The following REDIC1 variants were observed in gnomAD, a reference collection of about 807,000 sequenced individuals.
REDIC1 encodes the protein regulator of DNA class I crossover intermediates 1, also known as HEI10 Interacting Protein 1.
chr12:39,851,643 TACAC>T, the REDIC1 span, among the ~76,000 whole-genome samples: 9 of 152,122 alleles, frequency 5.9e-5, no homozygotes, highest in Non-Finnish European at 1.3e-4. Flanking sequence ...GCAATTCAGA[TACAC>T]ACATAGGAAA....
chr12:39,820,444 A>G, the REDIC1 span, among the ~76,000 whole-genome samples: 1 of 152,182 alleles, frequency 6.6e-6, no homozygotes, highest in Non-Finnish European at 1.5e-5. Context: ...ATGGATTGCT[A>G]TTGTACAAAC....
At chr12:39,764,830 C>CTTT in the REDIC1 span, 1 of 1,612,268 alleles carries the variant, frequency 6.2e-7, no homozygotes, top group Non-Finnish European at 8.5e-7. Flanking sequence ...AATATATCTT[C>CTTT]TGTTTTGAAC....
the REDIC1 span, among the ~76,000 whole-genome samples, chr12:39,737,975 C>T: frequency 6.6e-6 from 1 of 152,114 alleles, no homozygotes; most frequent in Non-Finnish European, 1.5e-5. Flanking sequence ...ACTAAGAAGA[C>T]CTATTTCAGT....
the REDIC1 span, among the ~76,000 whole-genome samples, chr12:39,699,135 C>A: frequency 6.6e-6 from 1 of 152,078 alleles, no homozygotes. Context: ...AAATCAGAGG[C>A]CCAGCGTGAG....
the REDIC1 span, among the ~76,000 whole-genome samples, chr12:39,760,901 A>G: frequency 1.6e-5 from 2 of 126,264 alleles, no homozygotes; most frequent in Non-Finnish European, 3.5e-5. Context: ...GGACTTTTAA[A>G]ATAATTGAAT....
chr12:39,644,705 A>T, the REDIC1 span, among the ~76,000 whole-genome samples: 1 of 151,838 alleles, frequency 6.6e-6, no homozygotes, highest in African/African-American at 2.4e-5. Flanking sequence ...TGAGAATAAA[A>T]CTTATTGTTG....
the REDIC1 span, among the ~76,000 whole-genome samples, chr12:39,778,782 A>C: frequency 5.3e-5 from 8 of 152,300 alleles, no homozygotes; most frequent in East Asian, 5.8e-4. Flanking sequence ...GTGGCTATCA[A>C]CTTAAATACC....
At chr12:39,635,361 C>CA in the REDIC1 span, among the ~76,000 whole-genome samples, 10 of 152,220 alleles carry the variant, frequency 6.6e-5, no homozygotes, top group South Asian at 1.9e-3. Flanking sequence ...TATTGTGGCA[C>CA]TATTCACAAT....
the REDIC1 span, among the ~76,000 whole-genome samples, chr12:39,697,535 A>G: frequency 1.3e-5 from 2 of 152,360 alleles, no homozygotes; most frequent in Admixed American, 1.3e-4. Context: ...CTAGTCAAAA[A>G]TAATAACTAT....
At chr12:39,667,106 T>C in the REDIC1 span, among the ~76,000 whole-genome samples, 1 of 152,210 alleles carries the variant, frequency 6.6e-6, no homozygotes, top group Non-Finnish European at 1.5e-5. Context: ...TGCCTTCTGC[T>C]AGCTTTTGAA....
chr12:39,759,970 T>C, the REDIC1 span: 1 of 1,366,524 alleles, frequency 7.3e-7, no homozygotes, highest in African/African-American at 1.4e-5. Context: ...AGTCACCAAT[T>C]GCTGTTCTTC....
At chr12:39,861,629 G>A in the REDIC1 span, among the ~76,000 whole-genome samples, 1 of 152,188 alleles carries the variant, frequency 6.6e-6, no homozygotes, top group Non-Finnish European at 1.5e-5. Context: ...TTAGTAATTT[G>A]AGAGTGTGGA....
At chr12:39,805,829 T>G in the REDIC1 span, among the ~76,000 whole-genome samples, 1 of 152,184 alleles carries the variant, frequency 6.6e-6, no homozygotes, top group South Asian at 2.1e-4. Context: ...GTTGCCCGTT[T>G]TTTTCTCTAC....
At chr12:39,649,579 C>CTT in the REDIC1 span, among the ~76,000 whole-genome samples, 4 of 132,116 alleles carry the variant, frequency 3.0e-5, no homozygotes, top group Non-Finnish European at 6.6e-5. Context: ...TTTGACTCTC[C>CTT]TTTTTTTTTT....
At chr12:39,800,203 G>A in the REDIC1 span, among the ~76,000 whole-genome samples, 13 of 152,150 alleles carry the variant, frequency 8.5e-5, no homozygotes, top group Non-Finnish European at 1.5e-4. Flanking sequence ...TGGTGCTGAC[G>A]TGCTTTGAAT....
chr12:39,904,977 A>G, the REDIC1 span, among the ~76,000 whole-genome samples: 1 of 152,072 alleles, frequency 6.6e-6, no homozygotes, highest in Admixed American at 6.6e-5. Context: ...AACTATCCCA[A>G]TCTCAACTGT....
the REDIC1 span, among the ~76,000 whole-genome samples, chr12:39,696,898 TAAA>T: frequency 3.3e-5 from 5 of 151,182 alleles, no homozygotes; most frequent in Non-Finnish European, 3.0e-5. Context: ...AAAGAAAAAA[TAAA>T]AAAGAATGAA....
the REDIC1 span, among the ~76,000 whole-genome samples, chr12:39,746,696 C>T: frequency 6.6e-5 from 10 of 152,186 alleles, no homozygotes; most frequent in Non-Finnish European, 1.2e-4. Flanking sequence ...AGACTGACAC[C>T]TCACACGGCT....
At chr12:39,828,069 C>G in the REDIC1 span, among the ~76,000 whole-genome samples, 1 of 152,038 alleles carries the variant, frequency 6.6e-6, no homozygotes, top group Non-Finnish European at 1.5e-5. Context: ...AATCAACCAA[C>G]AAAAATACTA....
Sources: allele counts gnomAD v4.1 joint callset (sites outside exome capture counted in the v4.1 genomes callset), GRCh38; gene constraint gnomAD v4.1.1; transcripts MANE v1.5; gene names NCBI Gene and HGNC (gene_info 2026-07-23, HGNC 2026-07-21).